The following SIRT6 variants were observed in gnomAD, a reference collection of about 807,000 sequenced individuals.
The protein encoded by SIRT6 is sirtuin 6, also known as NAD-dependent protein deacylase sirtuin-6.
A neutral mutation model predicts 33.6 loss-of-function variants in SIRT6; 21 were observed. That is an observed-to-expected ratio of 0.62 (90% CI 0.44 to 0.90). The LOEUF (loss-of-function observed/expected upper bound fraction) is 0.90, where lower values mean the gene tolerates loss of function less well. Ranked by LOEUF, SIRT6 falls within the 40% of genes least tolerant of loss-of-function variation. SIRT6 has a pLI of 0.00. For missense variants in SIRT6, 504 were observed against 510.6 expected (o/e 0.99, Z 0.12); for synonymous variants, 221 against 223.9 (o/e 0.99, Z 0.12).
At position 4,174,466 on chromosome 19, in the gene SIRT6, G is replaced by C; in HGVS notation, c.*151C>G. On this transcript the variant is annotated 3_prime_UTR_variant, in exon 8 of 8. Transcript: ENST00000337491. The surrounding 1 kb of genome is among the most constrained non-coding windows in gnomAD (Gnocchi z 4.2). ...CAGAGGCCCCTGGAGCCCAGGGAGGGACCACGGAGGGCAGGTGTAACCCCT... is the reference window on the plus strand; with the variant it reads ...CAGAGGCCCCTGGAGCCCAGGGAGGCACCACGGAGGGCAGGTGTAACCCCT... 1 of 659,308 alleles carries C rather than the reference G, an allele frequency of 1.5e-6. No individual in the cohort carries two copies. Among genetic ancestry groups the C allele is most frequent in the South Asian group, 3.6e-5 (1 of 27,810 alleles). 40.8% of individuals were successfully genotyped at this position (659,308 alleles called of 1,614,324 possible). A position where few individuals can be genotyped will look rare whatever the true frequency, so the allele number is the denominator to read the frequency against.
chr19:4,175,252 G>A (rs1268458455), intron 6 of SIRT6, 101 bp from the exon 7 acceptor site: 41 of 1,452,796 alleles, frequency 2.8e-5, no homozygotes, highest in Non-Finnish European at 3.5e-5. Flanking sequence ...TGTGCTCACC[G>A]GGGCGGTCAA....
intron 2 of SIRT6, among the ~76,000 whole-genome samples, chr19:4,180,198 G>A (rs1319742284): frequency 1.5e-5 from 2 of 137,788 alleles, no homozygotes; most frequent in Non-Finnish European, 3.0e-5. Flanking sequence ...TCTGCCTCCC[G>A]GGTTCAAGCG....
chr19:4,176,799 T>C (rs988395914), intron 4 of SIRT6, among the ~76,000 whole-genome samples: 1 of 152,252 alleles, frequency 6.6e-6, no homozygotes. Flanking sequence ...ACGCTGCTCA[T>C]CTGTGGCAGG....
rs377050381 is a variant in SIRT6, at chr19:4,174,965, G to A, written c.739-19C>T. Reference sequence around the variant, plus strand: ...GGCGGTCCTGCCGAGGGGCGGGACGGGTCAGGCGTGGGGGACAGAGGGTGC... The same window carrying A: ...GGCGGTCCTGCCGAGGGGCGGGACGAGTCAGGCGTGGGGGACAGAGGGTGC... On this transcript the variant is annotated intron_variant, in intron 7 of 7. Coordinates refer to ENST00000337491, the MANE Select transcript of SIRT6 (RefSeq NM_016539.4). This position sits in a 1 kb window ranked among gnomAD's most constrained non-coding sequence, Gnocchi z 4.2. 1.2e-5 allele frequency: 19 copies of A among 1,609,672 alleles called. No individual in the cohort carries two copies. Among genetic ancestry groups the A allele is most frequent in the East Asian group, 8.9e-5 (4 of 44,840 alleles).
In SIRT6 at chr19:4,175,720, G is replaced by T; in HGVS notation, c.574C>A (p.Leu192Met). The change falls in exon 6 of 8, where the codon CTG (leucine) becomes ATG (methionine). Residue 192 changes from leucine (L) to methionine (M), a missense_variant. Coordinates refer to ENST00000337491, the MANE Select transcript of SIRT6 (RefSeq NM_016539.4). The part of the protein sequence containing the change: ...RDTILDWEDS[L>M]PDRDLALADE... ...GCGAGTGCCAGGTCCCGGTCGGGCA[G>T]GGAGTCCTCCCAGTCTAGGATGGTG... 6.3e-7 allele frequency: 1 copy of T among 1,586,386 alleles called. No individual in the cohort carries two copies. Among genetic ancestry groups the T allele is most frequent in the African/African-American group, 1.3e-5 (1 of 74,530 alleles).
chr19:4,176,637 A>C (rs1967319908), intron 4 of SIRT6, among the ~76,000 whole-genome samples: 2 of 152,304 alleles, frequency 1.3e-5, no homozygotes, highest in South Asian at 4.1e-4. Context: ...CTGTAGGTCC[A>C]GGACCACCAA....
intron 2 of SIRT6, 181 bp downstream of exon 2, chr19:4,180,601 G>T: frequency 1.5e-6 from 1 of 676,936 alleles, no homozygotes; most frequent in Non-Finnish European, 2.2e-6. Context: ...GGCTGGTCTG[G>T]AATTCTTGAC....
chr19:4,177,278 G>A (rs1158520222), intron 3 of SIRT6, 140 bp from the exon 4 acceptor site: 2 of 721,216 alleles, frequency 2.8e-6, no homozygotes, highest in African/African-American at 3.5e-5. Flanking sequence ...CCTTCTTTCT[G>A]GCTCTTCTAG....
intron 1 of SIRT6, 22 bp downstream of exon 1, chr19:4,182,452 C>A: frequency 6.2e-7 from 1 of 1,603,320 alleles, no homozygotes. Flanking sequence ...GCGCGATGCT[C>A]GGGACCCTCA....
intron 1 of SIRT6, 87 bp from the exon 2 acceptor site, chr19:4,180,996 G>C: frequency 6.7e-7 from 1 of 1,490,284 alleles, no homozygotes; most frequent in Non-Finnish European, 9.0e-7. Context: ...AGCTGTCCCT[G>C]TCTTGCCTGA....
At chr19:4,179,449 T>C in intron 2 of SIRT6, 163 bp from the exon 3 acceptor site, 1 of 724,508 alleles carries the variant, frequency 1.4e-6, no homozygotes, top group Admixed American at 3.0e-5. Flanking sequence ...AAATAGAGGG[T>C]GAGTTGCAAG....
In SIRT6 at chr19:4,180,770, A is replaced by C. The variant is rs1034746103; in HGVS notation, c.194+12T>G. 2.9e-5 allele frequency: 46 copies of C among 1,602,904 alleles called. No homozygotes were observed. Among genetic ancestry groups the C allele is most frequent in the Non-Finnish European group, 3.7e-5 (44 of 1,173,634 alleles). On this transcript the variant is annotated intron_variant, in intron 2 of 7. Coordinates refer to ENST00000337491, the MANE Select transcript of SIRT6 (RefSeq NM_016539.4). The stretch of plus-strand genomic sequence containing the variant: ...TAGGCCTTGCCTCGACTTCCCCTGC[A>C]CAATCACAGACCTGAAGTCGGGGAT...
chr19:4,176,297 A>G (rs1967301325), intron 4 of SIRT6, among the ~76,000 whole-genome samples: 2 of 152,166 alleles, frequency 1.3e-5, no homozygotes, highest in African/African-American at 2.4e-5. Flanking sequence ...CCTGACTTTA[A>G]TCGTTATACT....
At chr19:4,176,216 CA>C (rs1452981951) in intron 4 of SIRT6, among the ~76,000 whole-genome samples, 44 of 152,188 alleles carry the variant, frequency 2.9e-4, no homozygotes, top group African/African-American at 1.0e-3. Flanking sequence ...GAAACAGGAA[CA>C]ATTGGAGCAT....
chr19:4,175,840 A>C lies in SIRT6; in HGVS notation c.533+2T>G. 6.4e-7 allele frequency: 1 copy of C among 1,557,474 alleles called. No individual in the cohort carries two copies. Among genetic ancestry groups the C allele is most frequent in the South Asian group, 1.2e-5 (1 of 84,522 alleles). On this transcript the variant is annotated splice_donor_variant, in intron 5 of 7. Transcript: ENST00000337491. LOFTEE classifies it high-confidence loss of function. ...CCCAGGGCATGGGTGGGGGTGGCTC[A>C]CCTGCAGGCTCGCAGCCCCCTTGCC...
intron 3 of SIRT6, among the ~76,000 whole-genome samples, chr19:4,178,329 G>A (rs761740027): frequency 9.9e-5 from 15 of 151,850 alleles, no homozygotes; most frequent in Admixed American, 2.6e-4. Context: ...CCGGCCCCTC[G>A]TTTGCTTTTA....
chr19:4,174,817 G>GGCGCCCCCCCCCCCCCCCCCCC lies in SIRT6; in HGVS notation c.867_868insGGGGGGGGGGGGGGGGGGGCGC (p.Pro290GlyfsTer145). 2.2e-6 allele frequency: 1 copy of GGCGCCCCCCCCCCCCCCCCCCC among 447,552 alleles called. No homozygotes were observed. Among genetic ancestry groups the GGCGCCCCCCCCCCCCCCCCCCC allele is most frequent in the Non-Finnish European group, 4.4e-6 (1 of 229,048 alleles). The allele number at this position is 447,552 out of a possible 1,614,324, so 27.7% of individuals were successfully genotyped here. A position where few individuals can be genotyped will look rare whatever the true frequency, so the allele number is the denominator to read the frequency against. On this transcript the variant is annotated frameshift_variant, in exon 8 of 8. Transcript: ENST00000337491. LOFTEE classifies it low-confidence loss of function (END_TRUNC). The surrounding 1 kb of genome is among the most constrained non-coding windows in gnomAD (Gnocchi z 4.2). ...TCCAGCTTGGGGGTGGGCGGGCGGG[G>GGCGCCCCCCCCCCCCCCCCCCC]CAGGGGTGGCAGCGCCCTCTCCAGC...
At chr19:4,178,522 C>T (rs1967437441) in intron 3 of SIRT6, among the ~76,000 whole-genome samples, 1 of 152,106 alleles carries the variant, frequency 6.6e-6, no homozygotes, top group Non-Finnish European at 1.5e-5. Flanking sequence ...CAGTGTCAGA[C>T]ACGTTTAGTG....
chr19:4,177,529 T>C (rs1236381712), intron 3 of SIRT6, among the ~76,000 whole-genome samples: 1 of 152,120 alleles, frequency 6.6e-6, no homozygotes, highest in Admixed American at 6.6e-5. Flanking sequence ...TGAATGGCCC[T>C]GAAGCATGAG....
Sources: allele counts gnomAD v4.1 joint callset (sites outside exome capture counted in the v4.1 genomes callset), GRCh38; gene constraint gnomAD v4.1.1; non-coding constraint Gnocchi (gnomAD v3.1); transcripts MANE v1.5; gene names NCBI Gene and HGNC (gene_info 2026-07-23, HGNC 2026-07-21).